The following SPATA1 variants were observed in gnomAD, a reference collection of about 807,000 sequenced individuals.
SPATA1 encodes spermatogenesis associated 1.
A neutral mutation model predicts 59.6 loss-of-function variants in SPATA1; 57 were observed. That is an observed-to-expected ratio of 0.96 (90% CI 0.77 to 1.19). SPATA1 has a LOEUF of 1.19. SPATA1 is among the 50% of genes most tolerant of loss of function. SPATA1 has a pLI of 0.00. For missense variants in SPATA1, 448 were observed against 480.7 expected (o/e 0.93, Z 0.64); for synonymous variants, 147 against 163.9 (o/e 0.90, Z 0.79).
At chr1:84,525,644 T>G (rs1570409775) in intron 4 of SPATA1, 52 bp from the exon 5 acceptor site, 1 of 1,499,490 alleles carries the variant, frequency 6.7e-7, no homozygotes, top group South Asian at 1.3e-5. Flanking sequence ...GTAAAAATAA[T>G]TGAAAAAAAT....
intron 7 of SPATA1, 111 bp from the exon 8 acceptor site, chr1:84,533,598 A>G (rs2101973766): frequency 1.1e-6 from 1 of 874,484 alleles, no homozygotes; most frequent in Admixed American, 2.6e-5. Context: ...TGACTTTGAA[A>G]ATTTTCAATA....
chr1:84,526,471 A>G (rs77120008), intron 6 of SPATA1, among the ~76,000 whole-genome samples: 59 of 152,306 alleles, frequency 3.9e-4, no homozygotes, highest in Non-Finnish European at 3.2e-4. Flanking sequence ...AACAACAACA[A>G]AAAAACTTTA....
At chr1:84,515,262 G>C (rs1434896016) in intron 1 of SPATA1, among the ~76,000 whole-genome samples, 1 of 152,032 alleles carries the variant, frequency 6.6e-6, no homozygotes, top group Non-Finnish European at 1.5e-5. Flanking sequence ...TTAAGACATG[G>C]TCAAAATGGC....
chr1:84,527,137 A>G (rs1165029703), intron 6 of SPATA1, among the ~76,000 whole-genome samples: 1 of 152,154 alleles, frequency 6.6e-6, no homozygotes, highest in Non-Finnish European at 1.5e-5. Flanking sequence ...AAGAAATGTA[A>G]CTGATTAAGA....
chr1:84,553,557 T>C (rs1326088697), exon 13 of SPATA1: 1 of 152,130 alleles, frequency 6.6e-6, no homozygotes, highest in Non-Finnish European at 1.5e-5. Context: ...TCTGGAAATA[T>C]AAAAGAATGG....
At chr1:84,517,563 G>A (rs1682850364) in intron 2 of SPATA1, among the ~76,000 whole-genome samples, 1 of 151,958 alleles carries the variant, frequency 6.6e-6, no homozygotes, top group African/African-American at 2.4e-5. Flanking sequence ...CACTACCCAT[G>A]ACTTTTGCCA....
chr1:84,508,704 A>T (rs987261187), intron 1 of SPATA1, among the ~76,000 whole-genome samples: 4 of 152,258 alleles, frequency 2.6e-5, no homozygotes, highest in Non-Finnish European at 4.4e-5. Context: ...TTGTACTTTA[A>T]CTAAAAGCTG....
At chr1:84,509,703 T>C (rs969207722) in intron 1 of SPATA1, among the ~76,000 whole-genome samples, 2 of 152,068 alleles carry the variant, frequency 1.3e-5, no homozygotes, top group Non-Finnish European at 2.9e-5. Flanking sequence ...GAGGCAGAGA[T>C]TGCAGTAAGC....
At chr1:84,545,713 A>C in exon 10 of SPATA1, 1 of 1,537,898 alleles carries the variant, frequency 6.5e-7, no homozygotes, top group Non-Finnish European at 8.7e-7. Context: ...AACTAGTAAA[A>C]ACGGTTGAAA....
chr1:84,526,368 AC>A (rs1683223556), intron 6 of SPATA1, among the ~76,000 whole-genome samples: 1 of 152,208 alleles, frequency 6.6e-6, no homozygotes, highest in African/African-American at 2.4e-5. Flanking sequence ...AAGTAAAGCT[AC>A]AGGGGAAGAG....
intron 8 of SPATA1, among the ~76,000 whole-genome samples, chr1:84,535,747 G>A (rs1358706794): frequency 2.6e-5 from 4 of 151,322 alleles, no homozygotes; most frequent in South Asian, 4.2e-4. Flanking sequence ...GACTTTCTAC[G>A]TACATATTCA....
At chr1:84,557,533 C>CAAAAAAAAAAAAA (rs56101174), downstream of SPATA1, among the ~76,000 whole-genome samples, 4 of 55,440 alleles carry the variant, frequency 7.2e-5, no homozygotes, top group African/African-American at 1.2e-4. Flanking sequence ...AACTCCATCT[C>CAAAAAAAAAAAAA]AAAAAAAAAA....
At chr1:84,533,340 A>G (rs1683547249) in intron 7 of SPATA1, among the ~76,000 whole-genome samples, 1 of 152,088 alleles carries the variant, frequency 6.6e-6, no homozygotes, top group South Asian at 2.1e-4. Flanking sequence ...GTATCATTTT[A>G]TTCAAAATTA....
intron 2 of SPATA1, among the ~76,000 whole-genome samples, chr1:84,519,529 A>G (rs1682933965): frequency 6.6e-6 from 1 of 152,034 alleles, no homozygotes; most frequent in African/African-American, 2.4e-5. Flanking sequence ...TTATATAAAG[A>G]TAAGGTCATA....
chr1:84,525,887 T>A, exon 6 of SPATA1: 1 of 1,613,658 alleles, frequency 6.2e-7, no homozygotes, highest in South Asian at 1.1e-5. Flanking sequence ...AATGGACCAT[T>A]TAGGAAATGT....
chr1:84,526,602 C>T (rs1683235236), intron 6 of SPATA1, among the ~76,000 whole-genome samples: 1 of 152,012 alleles, frequency 6.6e-6, no homozygotes, highest in African/African-American at 2.4e-5. Flanking sequence ...GGAGTGGTGG[C>T]TTATATCTGT....
chr1:84,550,790 G>A (rs1684247630), intron 12 of SPATA1: 23 of 1,037,238 alleles, frequency 2.2e-5, no homozygotes, highest in Non-Finnish European at 2.6e-5. Context: ...AAAGGAACCT[G>A]TGAGTCAATA....
exon 12 of SPATA1, chr1:84,550,457 A>G: frequency 6.4e-7 from 1 of 1,560,734 alleles, no homozygotes; most frequent in Non-Finnish European, 8.7e-7. Context: ...CAGATCACTG[A>G]GGTACAGCAT....
At chr1:84,507,661 G>T (rs1570371287) in intron 1 of SPATA1, among the ~76,000 whole-genome samples, 1 of 152,152 alleles carries the variant, frequency 6.6e-6, no homozygotes, top group Non-Finnish European at 1.5e-5. Context: ...ATACTTTACA[G>T]ATTTGTAAGA....
Sources: gnomAD v4.1 joint callset for allele counts (sites outside exome capture counted in the v4.1 genomes callset) on GRCh38, gnomAD v4.1.1 for gene constraint, MANE v1.5 for transcripts, NCBI Gene and HGNC (gene_info 2026-07-23, HGNC 2026-07-21) for gene names.